Variants in RBFOX1 observed in about 807,000 individuals in gnomAD.
RBFOX1 encodes RNA binding protein fox-1 homolog 1.
In RBFOX1, 8 loss-of-function variants were observed where a neutral mutation model predicts 57.7. That is an observed-to-expected ratio of 0.14 (90% CI 0.08 to 0.25). RBFOX1 has a LOEUF of 0.25. RBFOX1 is among the 10% of genes least tolerant of loss of function. RBFOX1 has a pLI of 1.00. For synonymous variants in RBFOX1, 326 were observed against 222.4 expected (o/e 1.47, Z -4.15); for missense variants, 611 against 548.5 (o/e 1.11, Z -1.14).
At chr16:6,171,236 C>A (rs2152765566) in intron 1 of RBFOX1, among the ~76,000 whole-genome samples, 1 of 152,306 alleles carries the variant, frequency 6.6e-6, no homozygotes, top group African/African-American at 2.4e-5. Context: ...GATGATTCTA[C>A]ATATTTTGTA....
At chr16:7,705,990 C>T (rs142323140) in intron 14 of RBFOX1, among the ~76,000 whole-genome samples, 8 of 152,236 alleles carry the variant, frequency 5.3e-5, no homozygotes, top group East Asian at 1.9e-4. Flanking sequence ...CCTAACATGG[C>T]GACCGTAAGA....
At chr16:7,585,107 G>T (rs1414644043) in intron 6 of RBFOX1, among the ~76,000 whole-genome samples, 2 of 152,180 alleles carry the variant, frequency 1.3e-5, no homozygotes, top group Non-Finnish European at 2.9e-5. Flanking sequence ...GTAAATATAT[G>T]TGCTTCTAGG....
chr16:5,533,787 G>A (rs189348858), intron 2 of RBFOX1, among the ~76,000 whole-genome samples: 2 of 152,302 alleles, frequency 1.3e-5, no homozygotes, highest in South Asian at 2.1e-4. Context: ...TGAGTGTGAT[G>A]TGGTCTGTAC....
At chr16:6,558,586 T>C (rs142458854) in intron 2 of RBFOX1, among the ~76,000 whole-genome samples, 1 of 152,138 alleles carries the variant, frequency 6.6e-6, no homozygotes, top group African/African-American at 2.4e-5. Flanking sequence ...CATGGGGCTT[T>C]TGGCTTTTGT....
intron 3 of RBFOX1, among the ~76,000 whole-genome samples, chr16:5,837,593 A>G (rs2056500793): frequency 7.0e-6 from 1 of 142,698 alleles, no homozygotes; most frequent in African/African-American, 2.5e-5. Context: ...GAAAGTCTTG[A>G]TGCCAGCCCC....
intron 4 of RBFOX1, among the ~76,000 whole-genome samples, chr16:7,378,005 G>A (rs1427908521): frequency 3.9e-5 from 6 of 152,156 alleles, no homozygotes. Context: ...AATGTGCAAA[G>A]TCTCTAAAGT....
chr16:5,823,945 A>G (rs549854305), intron 3 of RBFOX1, among the ~76,000 whole-genome samples: 1 of 152,318 alleles, frequency 6.6e-6, no homozygotes, highest in African/African-American at 2.4e-5. Context: ...GTCCATGGAA[A>G]AATTGTCTTC....
At chr16:7,238,468 C>G (rs1056467334) in intron 4 of RBFOX1, among the ~76,000 whole-genome samples, 1 of 152,116 alleles carries the variant, frequency 6.6e-6, no homozygotes, top group Non-Finnish European at 1.5e-5. Flanking sequence ...GGTTGTTTCC[C>G]CTTCCTGCAA....
At chr16:6,582,028 G>A (rs1329083520) in intron 2 of RBFOX1, among the ~76,000 whole-genome samples, 1 of 152,100 alleles carries the variant, frequency 6.6e-6, no homozygotes, top group East Asian at 1.9e-4. Flanking sequence ...AAAAGCCAGG[G>A]GTGCTGTACT....
chr16:5,318,114 T>A (rs2064292348), intron 1 of RBFOX1, among the ~76,000 whole-genome samples: 1 of 152,032 alleles, frequency 6.6e-6, no homozygotes, highest in Non-Finnish European at 1.5e-5. Flanking sequence ...AACAGGTTGT[T>A]TACACCTACT....
Position 5,761,748 on chromosome 16 carries a change from C to T in RBFOX1, c.319-105555C>T, listed in dbSNP as rs554810298. 2.4e-4 allele frequency among the ~76,000 whole-genome samples: 37 copies of T among 152,284 alleles called. No individual in the cohort carries two copies. In the Middle Eastern group the frequency reaches 0.014, roughly 56 times the overall value. On this transcript the variant is annotated intron_variant, in intron 3 of 19. Transcript: ENST00000641259. ...CATTTGGGTGGGGACACAGCAAACTCTATCAGGCTCTTTGGCTAAATGGGT... is the reference window on the plus strand; with the variant it reads ...CATTTGGGTGGGGACACAGCAAACTTTATCAGGCTCTTTGGCTAAATGGGT...
intron 15 of RBFOX1, chr16:7,709,540 A>ACAC: frequency 6.5e-7 from 1 of 1,532,920 alleles, no homozygotes; most frequent in Non-Finnish European, 8.7e-7. Context: ...GCTAAGCTGC[A>ACAC]CACTTCCAGG....
rs150599835 is a variant in RBFOX1, at chr16:5,787,090, C to T, written c.319-80213C>T. On this transcript the variant is annotated intron_variant, in intron 3 of 19. Coordinates refer to the RBFOX1 transcript ENST00000641259. ...TGGAGGTTGCAGTGTGCTGAGATTG[C>T]GCCACTGCATTCCAGCCTGGGAAAC... Among the ~76,000 whole-genome samples the T allele has an allele frequency of 4.4e-3, 666 of 152,242 alleles. 6 individuals are homozygous for T. Among genetic ancestry groups the T allele is most frequent in the African/African-American group, 0.015 (615 of 41,548 alleles).
intron 3 of RBFOX1, among the ~76,000 whole-genome samples, chr16:5,653,033 CGGAA>C (rs2049292203): frequency 1.4e-5 from 2 of 146,490 alleles, no homozygotes; most frequent in East Asian, 2.0e-4. Flanking sequence ...GGCTTCTGTG[CGGAA>C]AGTGGGGTGC....
At chr16:6,094,245 C>T (rs1337191473) in intron 1 of RBFOX1, among the ~76,000 whole-genome samples, 1 of 152,166 alleles carries the variant, frequency 6.6e-6, no homozygotes, top group East Asian at 1.9e-4. Context: ...TGACGGCCTC[C>T]TTGCATTTTA....
chr16:6,785,414 T>C (rs539346107), intron 3 of RBFOX1, among the ~76,000 whole-genome samples: 26 of 152,274 alleles, frequency 1.7e-4, no homozygotes, highest in African/African-American at 6.3e-4. Flanking sequence ...TCACTGTTTT[T>C]AGGCTGGGCA....
chr16:6,918,854 G>A (rs181623427), intron 3 of RBFOX1, among the ~76,000 whole-genome samples: 42 of 152,298 alleles, frequency 2.8e-4, no homozygotes, highest in African/African-American at 9.4e-4. Flanking sequence ...CACATTGCAG[G>A]CTTGGCCCTT....
At chr16:7,237,009 C>T (rs1210207266) in intron 4 of RBFOX1, among the ~76,000 whole-genome samples, 2 of 152,178 alleles carry the variant, frequency 1.3e-5, no homozygotes, top group African/African-American at 4.8e-5. Context: ...CGTTCTTTCA[C>T]TAGAAGGGAG....
rs532574160 is a variant in RBFOX1 at position 7,092,598 on chromosome 16, T to G, written c.27+40500T>G. On this transcript the variant is annotated intron_variant, in intron 4 of 15. Transcript: ENST00000550418. Reference sequence around the variant, plus strand: ...AAATCCTTGCTAGTTCCTGGTATGGTGTGAATGCATTCACTAATCATATAT... The same window carrying G: ...AAATCCTTGCTAGTTCCTGGTATGGGGTGAATGCATTCACTAATCATATAT... Among the ~76,000 whole-genome samples, 14 of 152,318 alleles carry G rather than the reference T, an allele frequency of 9.2e-5. No homozygotes were observed. In the East Asian group the frequency reaches 2.7e-3, roughly 29 times the overall value.
Sources: allele counts gnomAD v4.1 joint callset (sites outside exome capture counted in the v4.1 genomes callset), GRCh38; gene constraint gnomAD v4.1.1; transcripts MANE v1.5; gene names NCBI Gene and HGNC (gene_info 2026-07-23, HGNC 2026-07-21).